The following FCRL5 variants were observed in gnomAD, a reference collection of about 807,000 sequenced individuals.
The protein encoded by FCRL5 is Fc receptor like 5.
A neutral mutation model predicts 92.1 loss-of-function variants in FCRL5; 79 were observed. That is an observed-to-expected ratio of 0.86 (90% CI 0.72 to 1.03). The LOEUF (loss-of-function observed/expected upper bound fraction) is 1.03. Ranked by LOEUF, FCRL5 falls within the 50% of genes least tolerant of loss-of-function variation. FCRL5 has a pLI of 0.00. For missense variants in FCRL5, 1,160 were observed against 1,181.1 expected (o/e 0.98, Z 0.26); for synonymous variants, 466 against 469.3 (o/e 0.99, Z 0.09).
At chr1:157,524,106 A>G (rs1290963068) in intron 10 of FCRL5, 173 bp downstream of exon 10, 1 of 619,476 alleles carries the variant, frequency 1.6e-6, no homozygotes, top group Non-Finnish European at 2.8e-6. Context: ...GATTCCTGGA[A>G]CCATACCACA....
At chr1:157,520,142 C>A (rs563849073) in intron 12 of FCRL5, among the ~76,000 whole-genome samples, 1 of 151,978 alleles carries the variant, frequency 6.6e-6, no homozygotes, top group East Asian at 1.9e-4. Context: ...TCCTCCTCTT[C>A]CCATTCGTTG....
intron 11 of FCRL5, among the ~76,000 whole-genome samples, 200 bp downstream of exon 11, chr1:157,520,817 G>C (rs77529307): frequency 0.023 from 3,450 of 152,308 alleles, 121 homozygotes; most frequent in African/African-American, 0.076. Context: ...GCGCTCTTGC[G>C]CCCAGCCCGC....
At chr1:157,519,638 C>G in intron 13 of FCRL5, 105 bp downstream of exon 13, 1 of 1,288,592 alleles carries the variant, frequency 7.8e-7, no homozygotes, top group Non-Finnish European at 1.1e-6. Context: ...CCCAGCTCAG[C>G]AGCACCTGGC....
At chr1:157,520,392 G>C in intron 12 of FCRL5, 39 bp downstream of exon 12, 1 of 1,419,652 alleles carries the variant, frequency 7.0e-7, no homozygotes, top group Non-Finnish European at 9.8e-7. Flanking sequence ...TGCTGGGAAG[G>C]GCATGAACTC....
chr1:157,522,274 C>T (rs762906783), intron 10 of FCRL5: 1 of 152,112 alleles, frequency 6.6e-6, no homozygotes, highest in Non-Finnish European at 1.5e-5. Context: ...TCATCACAAA[C>T]ATTCATGTGT....
At chr1:157,545,361 G>A (rs540642211) in intron 3 of FCRL5, among the ~76,000 whole-genome samples, 7 of 152,004 alleles carry the variant, frequency 4.6e-5, no homozygotes, top group South Asian at 2.1e-4. Context: ...GAGCTCATGC[G>A]TATTTCTTTT....
In FCRL5 at chr1:157,515,062, G is replaced by A. The variant is rs1421296018; in HGVS notation, c.*613C>T. 1 of 158,826 alleles carries A rather than the reference G, an allele frequency of 6.3e-6. No individual in the cohort carries two copies. Among genetic ancestry groups the A allele is most frequent in the Non-Finnish European group, 1.4e-5 (1 of 71,526 alleles). The allele number at this position is 158,826 out of a possible 1,614,324, so 9.8% of individuals were successfully genotyped here. On this transcript the variant is annotated 3_prime_UTR_variant, in exon 17 of 17. Coordinates refer to ENST00000361835, the MANE Select transcript of FCRL5 (RefSeq NM_031281.3). ...CTTGGGCAGGTAGACACTGACACAT[G>A]AGCAGGAGAGAAGTTACCTTGGTGT... is the stretch of plus-strand genomic sequence containing the variant.
At chr1:157,526,564 A>C (rs1398632399) in intron 9 of FCRL5, among the ~76,000 whole-genome samples, 2 of 152,194 alleles carry the variant, frequency 1.3e-5, no homozygotes, top group African/African-American at 4.8e-5. Flanking sequence ...AATCAGTTAC[A>C]TAGCTTCTGA....
At chr1:157,535,822 G>A (rs150887511) in intron 7 of FCRL5, among the ~76,000 whole-genome samples, 29 of 152,166 alleles carry the variant, frequency 1.9e-4, no homozygotes, top group Non-Finnish European at 3.8e-4. Flanking sequence ...CTGAGGCCCC[G>A]AGTGGTTGAG....
Position 157,544,527 on chromosome 1 carries a change from C to T in FCRL5, c.579G>A (p.Val193=), listed in dbSNP as rs1289249816. 6.2e-7 allele frequency: 1 copy of T among 1,614,060 alleles called. No homozygotes were observed. Among genetic ancestry groups the T allele is most frequent in the South Asian group, 1.1e-5 (1 of 91,078 alleles). ...IQVQEPFTRP[V]LRASSFQPIS... ...TGGGCTGGAAGGAGCTGGCTCTCAGCACTGGACGTGTAAATGGCTCTAGAG... is the reference window on the plus strand; with the variant it reads ...TGGGCTGGAAGGAGCTGGCTCTCAGTACTGGACGTGTAAATGGCTCTAGAG... Residue 193 remains valine, a synonymous_variant, in exon 5 of 17, where the codon GTG becomes GTA. Transcript: ENST00000361835.
chr1:157,550,839 A>G (rs1651778286), intron 1 of FCRL5, among the ~76,000 whole-genome samples: 1 of 152,216 alleles, frequency 6.6e-6, no homozygotes, highest in Admixed American at 6.5e-5. Context: ...TCAATTGAGT[A>G]GGTATTCTGC....
intron 10 of FCRL5, chr1:157,521,836 G>A (rs568057412): frequency 3.9e-5 from 6 of 152,524 alleles, no homozygotes; most frequent in African/African-American, 1.4e-4. Context: ...TATGAGGCAG[G>A]AGGATTACTT....
Position 157,521,287 on chromosome 1 carries a change from C to T in FCRL5, c.2245G>A (p.Val749Met). Reference protein sequence around the residue: ...EMVTLKVAVPVSRPVLTLRAP... With the variant: ...EMVTLKVAVPMSRPVLTLRAP... ...CTGAGGGTGAGGACCGGGCGAGACACCGGAACTGAAAGAGAACAAAAAGTC... is the reference window on the plus strand; with the variant it reads ...CTGAGGGTGAGGACCGGGCGAGACATCGGAACTGAAAGAGAACAAAAAGTC... Residue 749 changes from valine (V) to methionine (M), a missense_variant, in exon 11 of 17, where the codon GTG becomes ATG. By Grantham distance (21) the Val-to-Met change is conservative. Transcript: ENST00000361835. The T allele has an allele frequency of 2.5e-6, 4 of 1,601,428 alleles. No homozygotes were observed. The highest frequency in any genetic ancestry group is 3.4e-6 in the Non-Finnish European group (4 of 1,175,220).
chr1:157,522,575 A>G (rs1650247719), intron 10 of FCRL5: 1 of 152,246 alleles, frequency 6.6e-6, no homozygotes, highest in Non-Finnish European at 1.5e-5. Flanking sequence ...AGAGCCTGGA[A>G]CCTGGTGAAG....
intron 3 of FCRL5, among the ~76,000 whole-genome samples, chr1:157,546,460 C>A (rs930003763): frequency 1.3e-5 from 2 of 149,822 alleles, no homozygotes; most frequent in African/African-American, 5.0e-5. Context: ...AAAACCAAAC[C>A]AAACCAAACC....
In FCRL5 at chr1:157,537,657, G is replaced by C. The variant is rs186182733; in HGVS notation, c.1402+1429C>G. On this transcript the variant is annotated intron_variant, in intron 7 of 16. Coordinates refer to ENST00000361835, the MANE Select transcript of FCRL5 (RefSeq NM_031281.3). The stretch of plus-strand genomic sequence containing the variant: ...GAAAATCACTAATAAAAACTTGCTG[G>C]TTTTATGGCTTAAGGGGCATCATGG... 1.2e-3 allele frequency among the ~76,000 whole-genome samples: 184 copies of C among 152,192 alleles called. 1 individual carries two copies. Among genetic ancestry groups the C allele is most frequent in the African/African-American group, 4.2e-3 (176 of 41,492 alleles).
chr1:157,518,333 T>C, intron 15 of FCRL5, 96 bp downstream of exon 15: 1 of 1,077,832 alleles, frequency 9.3e-7, no homozygotes, highest in Non-Finnish European at 1.4e-6. Flanking sequence ...GGGGCGGCTC[T>C]ATGCCTGTCT....
intron 10 of FCRL5, chr1:157,521,983 TTGGGTAATGA>T (rs1415127430): frequency 6.6e-6 from 1 of 152,186 alleles, no homozygotes; most frequent in Admixed American, 6.5e-5. Context: ...ACCTACTGGA[TTGGGTAATGA>T]AACATGAATG....
At chr1:157,549,806 T>A (rs1244560950) in intron 1 of FCRL5, among the ~76,000 whole-genome samples, 5 of 152,164 alleles carry the variant, frequency 3.3e-5, no homozygotes, top group Middle Eastern at 3.4e-3. Context: ...TTAAAAATGG[T>A]ATCTGCCATC....
Sources: gnomAD v4.1 joint callset for allele counts (sites outside exome capture counted in the v4.1 genomes callset) on GRCh38, gnomAD v4.1.1 for gene constraint, MANE v1.5 for transcripts, NCBI Gene and HGNC (gene_info 2026-07-23, HGNC 2026-07-21) for gene names.